Variants in ZBTB16 observed in about 807,000 individuals in gnomAD.
ZBTB16 encodes zinc finger and BTB domain-containing protein 16.
Under a neutral mutation model 56.8 loss-of-function variants are expected in ZBTB16, and 8 were observed. The observed-to-expected ratio is 0.14, with a 90% confidence interval of 0.08 to 0.25. The LOEUF (loss-of-function observed/expected upper bound fraction) is 0.25. Ranked by LOEUF, ZBTB16 falls within the 10% of genes least tolerant of loss-of-function variation. The pLI is 1.00. For missense variants in ZBTB16, 625 were observed against 903.0 expected (o/e 0.69, Z 3.95); for synonymous variants, 363 against 368.5 (o/e 0.98, Z 0.17).
At chr11:114,156,095 A>G (rs929965620) in intron 2 of ZBTB16, among the ~76,000 whole-genome samples, 4 of 152,068 alleles carry the variant, frequency 2.6e-5, no homozygotes, top group African/African-American at 9.7e-5. Flanking sequence ...TTCTTGGTCC[A>G]TGTGTCAGTG....
chr11:114,159,130 G>A lies in ZBTB16; in HGVS notation c.1366+2696G>A, dbSNP rs565290898. On this transcript the variant is annotated intron_variant, in intron 3 of 6. Transcript: ENST00000335953. ...TTGCATACTCATGTCAGGTGGGCCC[G>A]GTGTCCCCAGTTCAGACAAGAGTGT... Among the ~76,000 whole-genome samples, 6 of 152,354 alleles carry A rather than the reference G, an allele frequency of 3.9e-5. No homozygotes were observed. The East Asian group carries it at 7.7e-4, about 20-fold the overall frequency.
chr11:114,139,626 C>CGTGTGTGTGTGT (rs750514241), intron 2 of ZBTB16, among the ~76,000 whole-genome samples: 3,105 of 138,586 alleles, frequency 0.022, 125 homozygotes, highest in African/African-American at 0.075. Flanking sequence ...CCGCGGTCCA[C>CGTGTGTGTGTGT]GTGTGTGTGT....
Position 114,255,487 on chromosome 11 carries a change from TCTGGCTCCCC to T in ZBTB16, c.*4933_*4942del, listed in dbSNP as rs140849571. Among the ~76,000 whole-genome samples, 3,826 of 125,194 alleles carry T rather than the reference TCTGGCTCCCC, an allele frequency of 0.031. 158 individuals carry two copies. The highest frequency in any genetic ancestry group is 0.11 in the African/African-American group (3,531 of 33,608). The allele number at this position is 125,194 out of a possible 152,430, so 82.1% of individuals were successfully genotyped here. On this transcript the variant is annotated 3_prime_UTR_variant, in exon 7 of 7. Coordinates refer to ENST00000335953, the MANE Select transcript of ZBTB16 (RefSeq NM_006006.6). Reference sequence around the variant, plus strand: ...CCCTCTCCCGCCCTCCCCTCCTCCCTCTGGCTCCCCGTCTCATTTCTGTCCACTCCATTCT... The same window carrying T: ...CCCTCTCCCGCCCTCCCCTCCTCCCTGTCTCATTTCTGTCCACTCCATTCT...
intron 3 of ZBTB16, among the ~76,000 whole-genome samples, chr11:114,175,018 C>T (rs661223): frequency 0.058 from 8,822 of 152,228 alleles, 284 homozygotes; most frequent in Middle Eastern, 0.078. Context: ...AAATCAGGAG[C>T]GTTAGCAGCT....
At chr11:114,231,802 T>C (rs1246687298) in intron 4 of ZBTB16, among the ~76,000 whole-genome samples, 2 of 152,134 alleles carry the variant, frequency 1.3e-5, no homozygotes, top group Non-Finnish European at 2.9e-5. Flanking sequence ...TCCATCTCAG[T>C]GGGAGAAAGG....
chr11:114,117,180 T>G (rs1941197922), intron 2 of ZBTB16, among the ~76,000 whole-genome samples: 1 of 152,056 alleles, frequency 6.6e-6, no homozygotes, highest in South Asian at 2.1e-4. Context: ...TGCAGGCCAT[T>G]TGGTTTCACC....
At chr11:114,234,333 A>G (rs538123279) in intron 4 of ZBTB16, among the ~76,000 whole-genome samples, 1 of 152,346 alleles carries the variant, frequency 6.6e-6, no homozygotes, top group African/African-American at 2.4e-5. Context: ...TATGCAGGAG[A>G]CAAACACCCA....
intron 4 of ZBTB16, among the ~76,000 whole-genome samples, chr11:114,234,040 C>T (rs1268189067): frequency 6.6e-6 from 1 of 152,212 alleles, no homozygotes; most frequent in African/African-American, 2.4e-5. Context: ...GCTCAAACTC[C>T]TCCCCTTTTT....
At position 114,060,084 on chromosome 11, in the gene ZBTB16, C is replaced by T. The variant is rs1467216338; in HGVS notation, c.-91+202C>T. ...GGGGGTCGGCTAGAAGGGGGAGCCC[C>T]GGCTGTCAGCCTGGGCGCAGCTGCC... is the stretch of plus-strand genomic sequence containing the variant. On this transcript the variant is annotated intron_variant, in intron 1 of 6. Coordinates refer to ENST00000335953, the MANE Select transcript of ZBTB16 (RefSeq NM_006006.6). This position sits in a 1 kb window ranked among gnomAD's most constrained non-coding sequence, Gnocchi z 6.0. Among the ~76,000 whole-genome samples, 2 of 152,154 alleles carry T rather than the reference C, an allele frequency of 1.3e-5. No homozygotes were observed. Among genetic ancestry groups the T allele is most frequent in the African/African-American group, 2.4e-5 (1 of 41,458 alleles).
At chr11:114,163,962 C>A (rs1416692707) in intron 3 of ZBTB16, among the ~76,000 whole-genome samples, 2 of 152,180 alleles carry the variant, frequency 1.3e-5, no homozygotes, top group African/African-American at 4.8e-5. Context: ...CTTTAGAGCC[C>A]CCTCGTTGCT....
intron 2 of ZBTB16, among the ~76,000 whole-genome samples, chr11:114,082,999 T>G (rs1591648364): frequency 6.6e-6 from 1 of 152,172 alleles, no homozygotes; most frequent in South Asian, 2.1e-4. Flanking sequence ...CAACGTTGTG[T>G]AACGAGGGGC....
intron 2 of ZBTB16, among the ~76,000 whole-genome samples, chr11:114,079,110 AAAAG>A (rs202185443): frequency 0.16 from 24,487 of 150,350 alleles, 2,059 homozygotes; most frequent in Middle Eastern, 0.28. Context: ...TAAAAAAAAA[AAAAG>A]AAGAAGAAGA....
Position 114,166,788 on chromosome 11 carries a change from C to T in ZBTB16, c.1366+10354C>T, listed in dbSNP as rs185674860. On this transcript the variant is annotated intron_variant, in intron 3 of 6. Transcript: ENST00000335953. ...GGATGTGAACATTTCTCAACAAGAC[C>T]CCACTGAAGAACCTTTTCATTTTAA... is the stretch of plus-strand genomic sequence containing the variant. Among the ~76,000 whole-genome samples the T allele has an allele frequency of 9.9e-5, 15 of 152,184 alleles. No homozygotes were observed. In the East Asian group the frequency reaches 2.7e-3, roughly 27 times the overall value.
intron 3 of ZBTB16, among the ~76,000 whole-genome samples, chr11:114,181,294 C>T (rs1727910201): frequency 6.6e-6 from 1 of 152,220 alleles, no homozygotes. Flanking sequence ...CTTTCCCCAC[C>T]TTGTCGCAAC....
chr11:114,216,009 C>T (rs138045595), intron 4 of ZBTB16, among the ~76,000 whole-genome samples: 151 of 152,186 alleles, frequency 9.9e-4, no homozygotes, highest in African/African-American at 3.5e-3. Context: ...GGTGTGGGAG[C>T]GTTGATGAAG....
intron 2 of ZBTB16, among the ~76,000 whole-genome samples, chr11:114,098,038 C>T (rs1940481088): frequency 6.6e-6 from 1 of 152,168 alleles, no homozygotes; most frequent in South Asian, 2.1e-4. Context: ...GCCTTGTCTC[C>T]TCCTGCAACT....
intron 4 of ZBTB16, among the ~76,000 whole-genome samples, chr11:114,193,359 G>A (rs1260770653): frequency 6.6e-6 from 1 of 152,198 alleles, no homozygotes; most frequent in African/African-American, 2.4e-5. Context: ...CTTAGTGTGA[G>A]CTGTGGGCGA....
chr11:114,136,216 G>A (rs115054051), intron 2 of ZBTB16, among the ~76,000 whole-genome samples: 1 of 152,070 alleles, frequency 6.6e-6, no homozygotes, highest in African/African-American at 2.4e-5. Context: ...TAAAATAAGC[G>A]AATTCTCCTA....
At chr11:114,242,881 T>C (rs1297913084) in intron 5 of ZBTB16, among the ~76,000 whole-genome samples, 2 of 152,144 alleles carry the variant, frequency 1.3e-5, no homozygotes, top group African/African-American at 2.4e-5. Context: ...TAACCCTGTT[T>C]AGGGAAGACA....
Sources: allele counts gnomAD v4.1 joint callset (sites outside exome capture counted in the v4.1 genomes callset), GRCh38; gene constraint gnomAD v4.1.1; non-coding constraint Gnocchi (gnomAD v3.1); transcripts MANE v1.5; gene names NCBI Gene and HGNC (gene_info 2026-07-23, HGNC 2026-07-21).